The following MRTFB variants were observed in gnomAD, a reference collection of about 807,000 sequenced individuals.
The protein encoded by MRTFB is myocardin related transcription factor B, also known as myocardin-related transcription factor B.
In MRTFB, 29 loss-of-function variants were observed where a neutral mutation model predicts 104.2. That is an observed-to-expected ratio of 0.28 (90% CI 0.21 to 0.38). The LOEUF (loss-of-function observed/expected upper bound fraction) is 0.38. Ranked by LOEUF, MRTFB falls within the 10% of genes least tolerant of loss-of-function variation. MRTFB has a pLI of 1.00. For synonymous variants in MRTFB, 535 were observed against 519.5 expected (o/e 1.03, Z -0.41); for missense variants, 1,270 against 1,341.6 (o/e 0.95, Z 0.83).
intron 2 of MRTFB, among the ~76,000 whole-genome samples, chr16:14,139,347 TA>T (rs2037879048): frequency 6.6e-6 from 1 of 152,124 alleles, no homozygotes; most frequent in Non-Finnish European, 1.5e-5. Context: ...AAATGCAAAT[TA>T]AAACCACAGT....
intron 3 of MRTFB, chr16:14,144,894 A>C (rs2038215900): frequency 6.6e-6 from 1 of 150,628 alleles, no homozygotes; most frequent in Non-Finnish European, 1.5e-5. Flanking sequence ...GTTTGCAGTG[A>C]GTCAAGATTG....
chr16:14,029,733 G>A, the MRTFB span, among the ~76,000 whole-genome samples: 43 of 152,046 alleles, frequency 2.8e-4, no homozygotes, highest in African/African-American at 9.6e-4. Context: ...TCCACCCCCC[G>A]TGTCTGTCTC....
intron 12 of MRTFB, 192 bp downstream of exon 12, chr16:14,247,699 C>A: frequency 1.7e-6 from 1 of 597,572 alleles, no homozygotes; most frequent in Non-Finnish European, 2.9e-6. Flanking sequence ...GTGAAAAAAA[C>A]ACAGGATGCT....
chr16:14,185,193 A>C (rs1403679744), intron 3 of MRTFB, among the ~76,000 whole-genome samples: 2 of 152,172 alleles, frequency 1.3e-5, no homozygotes, highest in Non-Finnish European at 2.9e-5. Flanking sequence ...GATGGACTTA[A>C]ATTGCTTCAG....
At chr16:14,048,103 A>C in the MRTFB span, among the ~76,000 whole-genome samples, 1 of 152,206 alleles carries the variant, frequency 6.6e-6, no homozygotes, top group Non-Finnish European at 1.5e-5. Flanking sequence ...GCCAAAATGA[A>C]GGGGCTAAAT....
At chr16:14,219,951 G>C (rs1377181282) in intron 8 of MRTFB, among the ~76,000 whole-genome samples, 24 of 152,138 alleles carry the variant, frequency 1.6e-4, no homozygotes, top group Non-Finnish European at 2.9e-5. Flanking sequence ...ATGCTGACTT[G>C]AATTCAGCAC....
At chr16:14,203,999 T>A (rs1036907760) in intron 3 of MRTFB, among the ~76,000 whole-genome samples, 1 of 152,236 alleles carries the variant, frequency 6.6e-6, no homozygotes, top group East Asian at 1.9e-4. Flanking sequence ...CTTGCTCTAT[T>A]GCCCAGGCTT....
intron 3 of MRTFB, among the ~76,000 whole-genome samples, chr16:14,179,991 A>G (rs1408806738): frequency 6.6e-6 from 1 of 152,204 alleles, no homozygotes; most frequent in Non-Finnish European, 1.5e-5. Flanking sequence ...AACTAATGTG[A>G]CCCTACTAGC....
chr16:14,056,274 C>T, the MRTFB span, among the ~76,000 whole-genome samples: 5 of 152,132 alleles, frequency 3.3e-5, no homozygotes, highest in East Asian at 1.9e-4. Flanking sequence ...CCACCATGCC[C>T]GGCCTATTAA....
At chr16:14,104,342 A>G (rs554151430) in intron 2 of MRTFB, among the ~76,000 whole-genome samples, 2 of 152,290 alleles carry the variant, frequency 1.3e-5, no homozygotes, top group East Asian at 1.9e-4. Context: ...TCAGGGAGCA[A>G]CATGACATGG....
chr16:14,162,753 A>G (rs373765735), intron 3 of MRTFB, among the ~76,000 whole-genome samples: 1 of 152,244 alleles, frequency 6.6e-6, no homozygotes. Flanking sequence ...AAGGGAAGCT[A>G]CAAGGCAGGA....
intron 6 of MRTFB, chr16:14,214,917 G>A (rs948875648): frequency 1.3e-5 from 2 of 152,168 alleles, no homozygotes; most frequent in Admixed American, 6.5e-5. Context: ...TTTGGGTTGT[G>A]TTCTCAGAAG....
At chr16:14,045,842 A>C in the MRTFB span, among the ~76,000 whole-genome samples, 1 of 152,192 alleles carries the variant, frequency 6.6e-6, no homozygotes, top group African/African-American at 2.4e-5. Flanking sequence ...GTGCCACCTG[A>C]ATAAAAGTGA....
chr16:14,166,949 T>C (rs1365337219), intron 3 of MRTFB, among the ~76,000 whole-genome samples: 1 of 152,188 alleles, frequency 6.6e-6, no homozygotes, highest in African/African-American at 2.4e-5. Flanking sequence ...TTTGCTATTG[T>C]GAATAGTGCT....
chr16:14,230,371 G>C (rs1198956297), intron 8 of MRTFB, among the ~76,000 whole-genome samples: 2 of 151,558 alleles, frequency 1.3e-5, no homozygotes, highest in Non-Finnish European at 2.9e-5. Flanking sequence ...GAAAATTTTC[G>C]CAACCTACTC....
intron 5 of MRTFB, among the ~76,000 whole-genome samples, chr16:14,212,635 G>T (rs778544285): frequency 3.3e-5 from 5 of 152,174 alleles, no homozygotes; most frequent in Non-Finnish European, 7.4e-5. Flanking sequence ...CCAGTAACTA[G>T]TTTTGTACAA....
rs534202963 is a variant in MRTFB, at chr16:14,071,385, G to T, written c.-129+20G>T. 9.7e-3 allele frequency: 1,573 copies of T among 162,584 alleles called. 30 individuals are homozygous for T. The highest frequency in any genetic ancestry group is 0.036 in the African/African-American group (1,491 of 41,476). The allele number at this position is 162,584 out of a possible 1,614,324, so 10.1% of individuals were successfully genotyped here. A position where few individuals can be genotyped will look rare whatever the true frequency, so the allele number is the denominator to read the frequency against. On this transcript the variant is annotated intron_variant, in intron 1 of 16. Coordinates refer to ENST00000571589, the MANE Select transcript of MRTFB (RefSeq NM_001308142.2). ...GGGGAGGTGAGCGGCGGGCGGTGGC[G>T]GCCGTTGGGGGCTGAGGCCGGGTGA...
the MRTFB span, among the ~76,000 whole-genome samples, chr16:13,999,645 G>C: frequency 3.3e-5 from 5 of 152,172 alleles, no homozygotes; most frequent in Non-Finnish European, 5.9e-5. Flanking sequence ...CTGTGGGGGA[G>C]CATCGCATGG....
At chr16:14,087,102 C>T (rs1283546055) in intron 2 of MRTFB, among the ~76,000 whole-genome samples, 1 of 152,162 alleles carries the variant, frequency 6.6e-6, no homozygotes, top group African/African-American at 2.4e-5. Flanking sequence ...AATTGAAGTA[C>T]TTGTATGCAG....
Sources: gnomAD v4.1 joint callset for allele counts (sites outside exome capture counted in the v4.1 genomes callset) on GRCh38, gnomAD v4.1.1 for gene constraint, MANE v1.5 for transcripts, NCBI Gene and HGNC (gene_info 2026-07-23, HGNC 2026-07-21) for gene names.